MACF1: variants seen among roughly 807,000 people sequenced by gnomAD.
MACF1 encodes microtubule actin crosslinking factor 1.
A neutral mutation model predicts 854.8 loss-of-function variants in MACF1; 193 were observed. The observed-to-expected ratio is 0.23, with a 90% CI of 0.20 to 0.25. MACF1 has a LOEUF of 0.25. Ranked by LOEUF, MACF1 falls within the 10% of genes least tolerant of loss-of-function variation. The pLI is 1.00. For missense variants in MACF1, 7,722 were observed against 8,929.1 expected, an observed-to-expected ratio of 0.86 and a Z score of 5.45; for synonymous variants, 3,185 against 3,226.7, an observed-to-expected ratio of 0.99 and a Z score of 0.44.
intron 2 of MACF1, among the ~76,000 whole-genome samples, chr1:39,180,963 G>A (rs1644097591): frequency 6.6e-6 from 1 of 152,160 alleles, no homozygotes; most frequent in Non-Finnish European, 1.5e-5. Context: ...CTCGACTACA[G>A]TAGCCCATCT....
intron 14 of MACF1, 101 bp from the exon 15 acceptor site, chr1:39,287,185 T>C: frequency 7.6e-7 from 1 of 1,310,926 alleles, no homozygotes. Context: ...GGCTCATTTT[T>C]ATTTTTATCA....
chr1:39,461,791 CAAAAAAAAAAAAAA>C (rs59393084), intron 92 of MACF1, 78 bp from the exon 93 acceptor site: 9 of 349,612 alleles, frequency 2.6e-5, no homozygotes, highest in East Asian at 7.8e-5. Flanking sequence ...GACCTTGTCT[CAAAAAAAAAAAAAA>C]AAAAAAAAAA....
At chr1:39,422,942 G>A in intron 60 of MACF1, 42 bp downstream of exon 60, 1 of 1,573,538 alleles carries the variant, frequency 6.4e-7, no homozygotes, top group Non-Finnish European at 8.7e-7. Context: ...ACAGCCGTAG[G>A]GAGTAGTAGA....
rs767369479 is a variant in MACF1, at chr1:39,335,249, C to T, written c.8661C>T (p.Tyr2887=). 2 of 1,613,758 alleles carry T rather than the reference C, an allele frequency of 1.2e-6. No homozygotes were observed. Among genetic ancestry groups the T allele is most frequent in the African/African-American group, 1.3e-5 (1 of 74,912 alleles). ...SLGQVSLTHP[Y]SECDFKLKEV... is the part of the protein sequence containing the mutation. ...GCCAAGTGTCATTGACACACCCTTA[C>T]TCTGAATGTGATTTTAAACTTAAAG... Residue 2887 remains tyrosine, a synonymous_variant, in exon 37 of 101, where the codon TAC becomes TAT. Coordinates refer to ENST00000564288, the MANE Select transcript of MACF1 (RefSeq NM_001394062.1).
In MACF1 at chr1:39,412,851, A is replaced by G. The variant is rs1413520357; in HGVS notation, c.15817-9523A>G. 7 of 1,611,220 alleles carry G rather than the reference A, an allele frequency of 4.3e-6. No homozygotes were observed. In the South Asian group the frequency reaches 7.7e-5, roughly 18 times the overall value. ...CAGAGGAGGGTACCTCAATTGCTGC[A>G]GTGCCTGCCCCAGAGGGAACTGCTG... is the stretch of plus-strand genomic sequence containing the variant. On this transcript the variant is annotated intron_variant, in intron 58 of 100. Transcript: ENST00000564288.
At chr1:39,470,561 G>A (rs1557671390) in intron 97 of MACF1, among the ~76,000 whole-genome samples, 1 of 152,168 alleles carries the variant, frequency 6.6e-6, no homozygotes, top group Non-Finnish European at 1.5e-5. Context: ...TGGGAGTATT[G>A]CTTGAGCCCA....
intron 1 of MACF1, among the ~76,000 whole-genome samples, chr1:39,225,641 G>T (rs1644708205): frequency 6.6e-6 from 1 of 152,334 alleles, no homozygotes; most frequent in South Asian, 2.1e-4. Context: ...GATGCTGGTG[G>T]TGGGGAGTGG....
At chr1:39,417,659 GC>G (rs1195339158) in intron 58 of MACF1, among the ~76,000 whole-genome samples, 1 of 142,934 alleles carries the variant, frequency 7.0e-6, no homozygotes, top group Non-Finnish European at 1.5e-5. Flanking sequence ...CAATTCTCCT[GC>G]CCCAGCCTCC....
Position 39,084,214 on chromosome 1 carries a change from G to A in MACF1, c.-5G>A. 6.2e-7 allele frequency: 1 copy of A among 1,612,202 alleles called. No individual in the cohort carries two copies. Among genetic ancestry groups the A allele is most frequent in the South Asian group, 1.1e-5 (1 of 91,070 alleles). On this transcript the variant is annotated 5_prime_UTR_variant, in exon 2 of 94. Coordinates refer to the MACF1 transcript ENST00000361689. The surrounding 1 kb of genome is among the most constrained non-coding windows in gnomAD (Gnocchi z 5.2). The stretch of plus-strand genomic sequence containing the variant: ...GGCCCTCCTGCAGCAGCCCCCGCCT[G>A]GGCCATGTCTTCCTCAGATGAAGAG...
intron 6 of MACF1, chr1:39,269,677 T>C (rs1645278156): frequency 7.8e-7 from 1 of 1,289,770 alleles, no homozygotes; most frequent in Non-Finnish European, 1.0e-6. Flanking sequence ...GATGGCACTC[T>C]TTCTCTGGAG....
At chr1:39,128,640 A>G (rs2148167662) in intron 2 of MACF1, among the ~76,000 whole-genome samples, 1 of 152,134 alleles carries the variant, frequency 6.6e-6, no homozygotes, top group South Asian at 2.1e-4. Context: ...TGGAGCTTGC[A>G]GTGAGCCGAG....
At position 39,123,203 on chromosome 1, in the gene MACF1, ATTTTTTTTTTT is replaced by A. The variant is rs10585991; in HGVS notation, c.220+38779_220+38789del. On this transcript the variant is annotated intron_variant, in intron 2 of 93. Transcript: ENST00000361689. ...GCTTGTTAGATACATATATATATAA[ATTTTTTTTTTT>A]TTTTTTTTTTTTTGAGAGAGTCTCG... Among the ~76,000 whole-genome samples the A allele has an allele frequency of 4.5e-5, 5 of 111,918 alleles. No homozygotes were observed. In the East Asian group the frequency reaches 1.0e-3, roughly 23 times the overall value. 73.4% of individuals were successfully genotyped at this position (111,918 alleles called of 152,430 possible). A position where few individuals can be genotyped will look rare whatever the true frequency, so the allele number is the denominator to read the frequency against.
At chr1:39,414,663 A>G (rs1450003609) in intron 58 of MACF1, 2 of 872,818 alleles carry the variant, frequency 2.3e-6, no homozygotes, top group East Asian at 5.4e-5. Flanking sequence ...CTGGTGAAAG[A>G]CTTTATAATT....
At chr1:39,366,299 C>T (rs1251279182) in intron 49 of MACF1, among the ~76,000 whole-genome samples, 1 of 152,002 alleles carries the variant, frequency 6.6e-6, no homozygotes, top group African/African-American at 2.4e-5. Flanking sequence ...CTAGTCAGAT[C>T]TGCTTTTGTG....
intron 2 of MACF1, among the ~76,000 whole-genome samples, chr1:39,134,034 C>CTTTTTT (rs754585049): frequency 1.2e-3 from 89 of 71,616 alleles, no homozygotes; most frequent in East Asian, 2.0e-3. Context: ...GAAGAACAGT[C>CTTTTTT]TTTTTTTTTT....
intron 81 of MACF1, 22 bp from the exon 82 acceptor site, chr1:39,447,670 A>G (rs757087068): frequency 1.9e-6 from 3 of 1,613,816 alleles, no homozygotes; most frequent in South Asian, 1.1e-5. Context: ...TAAGCTAAAA[A>G]AGAGCACTAT....
In MACF1 at chr1:39,309,693, A is replaced by C; in HGVS notation, c.2913A>C (p.Glu971Asp). ...ACCTTGTACAGACCTGGAACCTAGA[A>C]AAGGTAATTATGAAAACCTTACCCC... ...DLDLVQTWNL[E>D]KLRSSAPGEC... The change falls in exon 24 of 101, where the codon GAA becomes GAC. Residue 971 changes from glutamate (E) to aspartate (D), a missense_variant. By Grantham distance (45) the Glu-to-Asp change is conservative. Coordinates refer to ENST00000564288, the MANE Select transcript of MACF1 (RefSeq NM_001394062.1). 2.5e-6 allele frequency: 4 copies of C among 1,609,134 alleles called. No homozygotes were observed. Among genetic ancestry groups the C allele is most frequent in the Non-Finnish European group, 3.4e-6 (4 of 1,178,682 alleles).
At chr1:39,187,990 CCCCTCCCCTT>C (rs1557506469) in intron 2 of MACF1, among the ~76,000 whole-genome samples, 2 of 142,232 alleles carry the variant, frequency 1.4e-5, no homozygotes, top group Non-Finnish European at 3.1e-5. Context: ...CCCCTCCCCT[CCCCTCCCCTT>C]CCCTTCCCTT....
Position 39,105,587 on chromosome 1 carries a change from G to GC in MACF1, c.220+21154dup, listed in dbSNP as rs1642208553. ...TCAGCGCGCGGGCCTGGAACCGGCA[G>GC]CCCCCGGGGCTCGGCGAGAAGGCGG... On this transcript the variant is annotated intron_variant, in intron 2 of 93. Coordinates refer to the MACF1 transcript ENST00000361689. This position sits in a 1 kb window ranked among gnomAD's most constrained non-coding sequence, Gnocchi z 5.9. 1.7e-6 allele frequency: 2 copies of GC among 1,199,070 alleles called. No individual in the cohort carries two copies. Among genetic ancestry groups the GC allele is most frequent in the South Asian group, 1.4e-5 (1 of 70,088 alleles). The allele number at this position is 1,199,070 out of a possible 1,614,324, so 74.3% of individuals were successfully genotyped here.
Sources: allele counts gnomAD v4.1 joint callset (sites outside exome capture counted in the v4.1 genomes callset), GRCh38; gene constraint gnomAD v4.1.1; non-coding constraint Gnocchi (gnomAD v3.1); transcripts MANE v1.5; gene names NCBI Gene and HGNC (gene_info 2026-07-23, HGNC 2026-07-21).